The following CELF2 variants were observed in gnomAD, a reference collection of about 807,000 sequenced individuals.
CELF2 encodes the protein CUG triplet repeat RNA-binding protein 2.
CELF2 carries 8 observed loss-of-function variants against 62.6 expected under a neutral mutation model. The observed-to-expected ratio is 0.13, with a 90% confidence interval of 0.07 to 0.23. The LOEUF (loss-of-function observed/expected upper bound fraction) is 0.23, where lower values mean the gene tolerates loss of function less well. Ranked by LOEUF, CELF2 falls within the 10% of genes least tolerant of loss-of-function variation. The probability of loss-of-function intolerance (pLI) is 1.00; values close to 1 mark genes in which losing one functional copy is unlikely to be tolerated. For missense variants in CELF2, 333 were observed against 671.0 expected (o/e 0.50, Z 5.56); for synonymous variants, 258 against 250.0 (o/e 1.03, Z -0.30).
chr10:10,800,130 A>G (rs951695110), intron 1 of CELF2, among the ~76,000 whole-genome samples: 4 of 152,240 alleles, frequency 2.6e-5, no homozygotes, highest in Non-Finnish European at 5.9e-5. Flanking sequence ...ATTATAGAAA[A>G]GAGCAAATTT....
the CELF2 span, among the ~76,000 whole-genome samples, chr10:10,705,128 G>A: frequency 1.3e-5 from 2 of 152,174 alleles, no homozygotes; most frequent in Non-Finnish European, 2.9e-5. Flanking sequence ...TGAGGCTGCA[G>A]TGAGCTGTGA....
At chr10:10,570,316 T>G in the CELF2 span, among the ~76,000 whole-genome samples, 6 of 151,488 alleles carry the variant, frequency 4.0e-5, no homozygotes, top group African/African-American at 9.7e-5. Context: ...AGGAATGAAT[T>G]GAGATTAACC....
rs370241926 is a variant in CELF2, at chr10:11,224,442, G to A, written c.354+6935G>A. On this transcript the variant is annotated intron_variant, in intron 3 of 12. Coordinates refer to ENST00000633077, the MANE Select transcript of CELF2 (RefSeq NM_001326342.2). The surrounding 1 kb of genome is among the most constrained non-coding windows in gnomAD (Gnocchi z 4.5). ...TAATCATTTCTCTACGACAGCCCAAGATTAAACTGGGAATATGCAGTTCAC... is the reference window on the plus strand; with the variant it reads ...TAATCATTTCTCTACGACAGCCCAAAATTAAACTGGGAATATGCAGTTCAC... Among the ~76,000 whole-genome samples the A allele has an allele frequency of 2.1e-3, 324 of 152,282 alleles. 3 individuals are homozygous for A. The highest frequency in any genetic ancestry group is 7.2e-3 in the African/African-American group (299 of 41,556).
rs994102542 is a variant in CELF2 at position 11,311,293 on chromosome 10, T to C, written c.977-2846T>C. 6.6e-6 allele frequency among the ~76,000 whole-genome samples: 1 copy of C among 152,220 alleles called. No individual in the cohort carries two copies. Among genetic ancestry groups the C allele is most frequent in the African/African-American group, 2.4e-5 (1 of 41,442 alleles). On this transcript the variant is annotated intron_variant, in intron 9 of 12. Transcript: ENST00000633077. This position sits in a 1 kb window ranked among gnomAD's most constrained non-coding sequence, Gnocchi z 4.7. Reference sequence around the variant, plus strand: ...ATTGTATCTGAGTGGCCAAAAATCCTAAGCCATGAAGTTAAAGTATCCCCA... The same window carrying C: ...ATTGTATCTGAGTGGCCAAAAATCCCAAGCCATGAAGTTAAAGTATCCCCA...
chr10:10,925,860 C>T (rs1259084847), intron 2 of CELF2, among the ~76,000 whole-genome samples: 4 of 152,098 alleles, frequency 2.6e-5, no homozygotes, highest in Non-Finnish European at 4.4e-5. Flanking sequence ...CTACTCCCAG[C>T]GCCCAACCAT....
the CELF2 span, among the ~76,000 whole-genome samples, chr10:10,718,118 C>G: frequency 1.1e-3 from 167 of 152,212 alleles, 2 homozygotes; most frequent in African/African-American, 3.9e-3. Flanking sequence ...ATGAAGCTAC[C>G]TATAAAGGCT....
intron 3 of CELF2, among the ~76,000 whole-genome samples, chr10:11,241,958 C>T (rs1424940839): frequency 1.3e-5 from 2 of 152,096 alleles, no homozygotes; most frequent in African/African-American, 2.4e-5. Flanking sequence ...AATATACAAG[C>T]GAGACACAAG....
At chr10:10,521,126 T>C in the CELF2 span, among the ~76,000 whole-genome samples, 1 of 151,828 alleles carries the variant, frequency 6.6e-6, no homozygotes, top group Admixed American at 6.6e-5. Context: ...GAAACAAGAG[T>C]GTTGACCATC....
rs2050828839 is a variant in CELF2, at chr10:10,972,239, A to G, written c.89+52240A>G. On this transcript the variant is annotated intron_variant, in intron 2 of 13. Transcript: ENST00000636488. This position sits in a 1 kb window ranked among gnomAD's most constrained non-coding sequence, Gnocchi z 4.4. ...CATGCACCAAAGAACACAACTTTTG[A>G]AGGATATGAATAGGTTTTATAGAAA... is the stretch of plus-strand genomic sequence containing the variant. 1.3e-5 allele frequency among the ~76,000 whole-genome samples: 2 copies of G among 152,332 alleles called. No homozygotes were observed. The highest frequency in any genetic ancestry group is 1.3e-4 in the Admixed American group (2 of 15,304).
chr10:10,939,718 G>T (rs2135417132), intron 2 of CELF2, among the ~76,000 whole-genome samples: 1 of 152,124 alleles, frequency 6.6e-6, no homozygotes, highest in South Asian at 2.1e-4. Flanking sequence ...ACTTTGGGAG[G>T]CCGAGGCGGA....
intron 1 of CELF2, among the ~76,000 whole-genome samples, chr10:10,815,186 G>C (rs2056335655): frequency 6.6e-6 from 1 of 152,194 alleles, no homozygotes; most frequent in Non-Finnish European, 1.5e-5. Flanking sequence ...CCCTGGCCCA[G>C]ATTCTAATCA....
At chr10:10,961,126 T>C (rs1401322115) in intron 2 of CELF2, among the ~76,000 whole-genome samples, 2 of 152,128 alleles carry the variant, frequency 1.3e-5, no homozygotes, top group African/African-American at 4.8e-5. Context: ...TAATTTGAAA[T>C]TGGAAGGCAT....
intron 3 of CELF2, among the ~76,000 whole-genome samples, chr10:11,230,194 A>G (rs562097055): frequency 2.0e-5 from 3 of 152,326 alleles, no homozygotes; most frequent in South Asian, 4.1e-4. Context: ...ACACGTTCAC[A>G]CAGAAATAAT....
At position 11,156,823 on chromosome 10, in the gene CELF2, G is replaced by A. The variant is rs945602109; in HGVS notation, c.75-8663G>A. ...ATGTTCTGTGTGCAGCACTGTTTCT[G>A]GTCATGGATTGCTGGTTGGGAAGGG... On this transcript the variant is annotated intron_variant, in intron 1 of 12. Coordinates refer to ENST00000633077, the MANE Select transcript of CELF2 (RefSeq NM_001326342.2). This position sits in a 1 kb window ranked among gnomAD's most constrained non-coding sequence, Gnocchi z 4.3. Among the ~76,000 whole-genome samples the A allele has an allele frequency of 6.6e-6, 1 of 152,174 alleles. No individual in the cohort carries two copies. The highest frequency in any genetic ancestry group is 6.5e-5 in the Admixed American group (1 of 15,272).
At chr10:11,069,861 G>A (rs915494147) in intron 1 of CELF2, among the ~76,000 whole-genome samples, 6 of 152,224 alleles carry the variant, frequency 3.9e-5, no homozygotes, top group Non-Finnish European at 1.5e-5. Context: ...AGAACCAGAA[G>A]TAATGATGAG....
the CELF2 span, among the ~76,000 whole-genome samples, chr10:10,520,895 G>A: frequency 6.6e-6 from 1 of 152,188 alleles, no homozygotes; most frequent in African/African-American, 2.4e-5. Context: ...GGGAAAAAAA[G>A]GGGAAGTTTA....
At chr10:11,288,942 T>C (rs779868773) in intron 9 of CELF2, among the ~76,000 whole-genome samples, 1 of 152,222 alleles carries the variant, frequency 6.6e-6, no homozygotes, top group Non-Finnish European at 1.5e-5. Context: ...TCAAAATTCC[T>C]AGTCATTCCC....
At chr10:11,048,229 A>C (rs1228564513) in intron 1 of CELF2, among the ~76,000 whole-genome samples, 3 of 152,246 alleles carry the variant, frequency 2.0e-5, no homozygotes, top group African/African-American at 2.4e-5. Flanking sequence ...CAAAGGAAAG[A>C]GGGAGAGTTT....
chr10:11,184,252 CTTAT>C (rs1189470501), intron 2 of CELF2, among the ~76,000 whole-genome samples: 7 of 152,198 alleles, frequency 4.6e-5, no homozygotes, highest in African/African-American at 7.2e-5. Context: ...CTCCAGTGAT[CTTAT>C]TTGTCTGTCT....
Sources: allele counts gnomAD v4.1 joint callset (sites outside exome capture counted in the v4.1 genomes callset), GRCh38; gene constraint gnomAD v4.1.1; non-coding constraint Gnocchi (gnomAD v3.1); transcripts MANE v1.5; gene names NCBI Gene and HGNC (gene_info 2026-07-23, HGNC 2026-07-21).